FNTB: variants seen among roughly 807,000 people sequenced by gnomAD.
FNTB encodes protein farnesyltransferase subunit beta.
In FNTB, 27 loss-of-function variants were observed where a neutral mutation model predicts 59.4. The observed-to-expected ratio is 0.45, with a 90% CI of 0.34 to 0.63. FNTB has a LOEUF of 0.63. FNTB is among the 20% of genes least tolerant of loss of function. The pLI is 0.02. For synonymous variants in FNTB, 230 were observed against 220.7 expected, an observed-to-expected ratio of 1.04 and a Z score of -0.37; for missense variants, 449 against 559.6, an observed-to-expected ratio of 0.80 and a Z score of 1.99.
chr14:65,026,092 C>A (rs2061975346), intron 4 of FNTB, among the ~76,000 whole-genome samples: 1 of 152,148 alleles, frequency 6.6e-6, no homozygotes, highest in Non-Finnish European at 1.5e-5. Flanking sequence ...TTTCTGGCAG[C>A]AGTAGCAAGG....
rs1230628682 is a variant in FNTB at position 65,012,377 on chromosome 14, A to G, written c.270A>G (p.Thr90=). The change falls in exon 3 of 12, where the codon ACA becomes ACG. Residue 90 remains threonine (T), a synonymous_variant. Transcript: ENST00000246166. This position sits in a 1 kb window ranked among gnomAD's most constrained non-coding sequence, Gnocchi z 5.0. ...HYLKRGLRQL[T]DAYECLDASR... ...TGAAAAGAGGCCTTCGACAACTGAC[A>G]GATGCCTATGAGGTAAACACATTAC... 6.2e-7 allele frequency: 1 copy of G among 1,614,194 alleles called. No homozygotes were observed. The highest frequency in any genetic ancestry group is 8.5e-7 in the Non-Finnish European group (1 of 1,179,986).
At chr14:64,996,145 A>G (rs199673181) in intron 1 of FNTB, among the ~76,000 whole-genome samples, 2 of 150,668 alleles carry the variant, frequency 1.3e-5, no homozygotes, top group Non-Finnish European at 3.0e-5. Context: ...AAAAAAGAAA[A>G]AAGAAAAGAA....
At position 65,044,978 on chromosome 14, in the gene FNTB, A is replaced by C. The variant is rs2062443562; in HGVS notation, c.955+535A>C. ...TGGCTGCAGAGTTGTCACTATTAGA[A>C]ATGTTTTATTTTACATTCATTGAAT... On this transcript the variant is annotated intron_variant, in intron 9 of 11. Transcript: ENST00000246166. The surrounding 1 kb of genome is among the most constrained non-coding windows in gnomAD (Gnocchi z 5.5). Among the ~76,000 whole-genome samples, 1 of 152,104 alleles carries C rather than the reference A, an allele frequency of 6.6e-6. No individual in the cohort carries two copies. The highest frequency in any genetic ancestry group is 2.4e-5 in the African/African-American group (1 of 41,424).
At position 64,995,241 on chromosome 14, in the gene FNTB, C is replaced by T. The variant is rs551211660; in HGVS notation, c.144+8144C>T. ...GCTGTCATCTCCTAGGATAACAGTGCGTTCTTCAGGAATTCCTCCTGAAGG... is the reference window on the plus strand; with the variant it reads ...GCTGTCATCTCCTAGGATAACAGTGTGTTCTTCAGGAATTCCTCCTGAAGG... On this transcript the variant is annotated intron_variant, in intron 1 of 11. Transcript: ENST00000246166. 8.5e-5 allele frequency among the ~76,000 whole-genome samples: 13 copies of T among 152,140 alleles called. No individual in the cohort carries two copies. The South Asian group carries it at 1.9e-3, about 22-fold the overall frequency.
chr14:65,049,410 G>A (rs958051334), intron 9 of FNTB, among the ~76,000 whole-genome samples: 5 of 152,066 alleles, frequency 3.3e-5, no homozygotes, highest in African/African-American at 1.2e-4. Context: ...GATTAGAATG[G>A]CGACCTATAA....
chr14:65,052,976 G>C (rs1361881400), intron 9 of FNTB, among the ~76,000 whole-genome samples: 2 of 152,192 alleles, frequency 1.3e-5, no homozygotes, highest in African/African-American at 2.4e-5. Flanking sequence ...TGTGGTTGAG[G>C]ATCACCATCC....
chr14:65,055,049 C>T (rs1489905990), intron 11 of FNTB, among the ~76,000 whole-genome samples: 1 of 152,256 alleles, frequency 6.6e-6, no homozygotes, highest in Non-Finnish European at 1.5e-5. Context: ...AGCCATGCGG[C>T]ACTGGCTGTA....
At chr14:65,000,815 CAAAAAAAAAAAAA>C (rs59420832) in intron 1 of FNTB, among the ~76,000 whole-genome samples, 7 of 36,458 alleles carry the variant, frequency 1.9e-4, no homozygotes, top group Non-Finnish European at 4.2e-4. Flanking sequence ...GACTCCGTCT[CAAAAAAAAAAAAA>C]AAAAAAAAAA....
rs1403662375 is a variant in FNTB at position 64,996,141 on chromosome 14, GAAAA to G, written c.145-8105_145-8102del. ...TCTGTCTCAAAAAAAAAAAAAAAAA[GAAAA>G]AAGAAAAGAAACAACCAAGCCTGGG... On this transcript the variant is annotated intron_variant, in intron 1 of 11. Transcript: ENST00000246166. Among the ~76,000 whole-genome samples, 313 of 140,642 alleles carry G rather than the reference GAAAA, an allele frequency of 2.2e-3. 7 individuals carry two copies. In the South Asian group the frequency reaches 0.024, roughly 11 times the overall value. 92.3% of individuals were successfully genotyped at this position (140,642 alleles called of 152,430 possible).
rs1486510598 is a variant in FNTB, at chr14:65,031,890, T to C, written c.606-720T>C. 2.6e-5 allele frequency among the ~76,000 whole-genome samples: 4 copies of C among 152,024 alleles called. No individual in the cohort carries two copies. Among genetic ancestry groups the C allele is most frequent in the African/African-American group, 9.7e-5 (4 of 41,420 alleles). On this transcript the variant is annotated intron_variant, in intron 6 of 11. Transcript: ENST00000246166. The surrounding 1 kb of genome is among the most constrained non-coding windows in gnomAD (Gnocchi z 4.6). ...GAGCTGAGATCATACCACTGCACTCTAGCCTGGGCGACAGAGTGAGACCCT... is the reference window on the plus strand; with the variant it reads ...GAGCTGAGATCATACCACTGCACTCCAGCCTGGGCGACAGAGTGAGACCCT...
chr14:65,044,784 C>T lies in FNTB; in HGVS notation c.955+341C>T, dbSNP rs906037679. 3 of 268,364 alleles carry T rather than the reference C, an allele frequency of 1.1e-5. No individual in the cohort carries two copies. The highest frequency in any genetic ancestry group is 2.2e-4 in the East Asian group (2 of 8,946). The allele number at this position is 268,364 out of a possible 1,614,324, so 16.6% of individuals were successfully genotyped here. Reference sequence around the variant, plus strand: ...GGCTCTGTGGTGATTGCCACCTCCTCTGGGTGCAGGGCAGAGCTGAAAACC... The same window carrying T: ...GGCTCTGTGGTGATTGCCACCTCCTTTGGGTGCAGGGCAGAGCTGAAAACC... On this transcript the variant is annotated intron_variant, in intron 9 of 11. Transcript: ENST00000246166. The surrounding 1 kb of genome is among the most constrained non-coding windows in gnomAD (Gnocchi z 5.5).
chr14:65,028,142 C>T lies in FNTB; in HGVS notation c.605+361C>T, dbSNP rs1201961128. On this transcript the variant is annotated intron_variant, in intron 6 of 11. Coordinates refer to ENST00000246166, the MANE Select transcript of FNTB (RefSeq NM_002028.4). This position sits in a 1 kb window ranked among gnomAD's most constrained non-coding sequence, Gnocchi z 4.4. ...AAGGGAGGGGAAAGTCCAGCAGGGCCTCAGTAAATACCTTCTGAGTGAATT... is the reference window on the plus strand; with the variant it reads ...AAGGGAGGGGAAAGTCCAGCAGGGCTTCAGTAAATACCTTCTGAGTGAATT... 6.6e-6 allele frequency among the ~76,000 whole-genome samples: 1 copy of T among 152,150 alleles called. No individual in the cohort carries two copies. The highest frequency in any genetic ancestry group is 1.5e-5 in the Non-Finnish European group (1 of 68,028).
In FNTB at chr14:64,990,472, C is replaced by A. The variant is rs76963500; in HGVS notation, c.144+3375C>A. Among the ~76,000 whole-genome samples the A allele has an allele frequency of 6.6e-6, 1 of 152,286 alleles. No individual in the cohort carries two copies. Among genetic ancestry groups the A allele is most frequent in the African/African-American group, 2.4e-5 (1 of 41,538 alleles). On this transcript the variant is annotated intron_variant, in intron 1 of 11. Transcript: ENST00000246166. This position sits in a 1 kb window ranked among gnomAD's most constrained non-coding sequence, Gnocchi z 5.2. ...CATTTCCTGTCATGTGCCTTCTCTG[C>A]GGAGCTCTTTGTCTCCCTCCCTCTC...
rs1278156668 is a variant in FNTB, at chr14:64,991,501, C to A, written c.144+4404C>A. Among the ~76,000 whole-genome samples, 1 of 151,988 alleles carries A rather than the reference C, an allele frequency of 6.6e-6. No homozygotes were observed. The highest frequency in any genetic ancestry group is 2.4e-5 in the African/African-American group (1 of 41,384). On this transcript the variant is annotated intron_variant, in intron 1 of 11. Coordinates refer to ENST00000246166, the MANE Select transcript of FNTB (RefSeq NM_002028.4). This position sits in a 1 kb window ranked among gnomAD's most constrained non-coding sequence, Gnocchi z 4.4. ...CACCTGTAATACCAGCTACTCAGGA[C>A]ACTGAGGCAGGTGAATCTCTTTAAC...
intron 11 of FNTB, 132 bp from the exon 12 acceptor site, chr14:65,061,049 A>T (rs2062856039): frequency 1.4e-6 from 2 of 1,435,242 alleles, no homozygotes; most frequent in East Asian, 4.6e-5. Context: ...CCATTTTTGA[A>T]CCTTTGGGCT....
At chr14:65,058,086 T>G (rs1444818713) in intron 11 of FNTB, among the ~76,000 whole-genome samples, 1 of 151,502 alleles carries the variant, frequency 6.6e-6, no homozygotes, top group Non-Finnish European at 1.5e-5. Context: ...TGCACTACAT[T>G]TTAGATTAAT....
chr14:64,996,123 CA>C (rs60137057), intron 1 of FNTB, among the ~76,000 whole-genome samples: 286 of 82,518 alleles, frequency 3.5e-3, no homozygotes, highest in African/African-American at 6.7e-3. Flanking sequence ...AACTCTGTCT[CA>C]AAAAAAAAAA....
rs1419523450 is a variant in FNTB, at chr14:65,031,663, G to A, written c.606-947G>A. Among the ~76,000 whole-genome samples, 3 of 151,804 alleles carry A rather than the reference G, an allele frequency of 2.0e-5. No individual in the cohort carries two copies. Among genetic ancestry groups the A allele is most frequent in the African/African-American group, 7.3e-5 (3 of 41,378 alleles). On this transcript the variant is annotated intron_variant, in intron 6 of 11. Transcript: ENST00000246166. This position sits in a 1 kb window ranked among gnomAD's most constrained non-coding sequence, Gnocchi z 4.6. ...AGCCCGGGCGCGGTGGCTTATGCCT[G>A]TAATCCCAGCACTTTGGGAGGCCAA...
In FNTB at chr14:65,053,347, C is replaced by G; in HGVS notation, c.1065C>G (p.Gly355=). 7.0e-7 allele frequency: 1 copy of G among 1,424,490 alleles called. No homozygotes were observed. The highest frequency in any genetic ancestry group is 1.5e-5 in the African/African-American group (1 of 68,218). The allele number at this position is 1,424,490 out of a possible 1,614,324, so 88.2% of individuals were successfully genotyped here. The change falls in exon 10 of 12, where the codon GGC becomes GGG. Residue 355 remains glycine (G), a splice_region_variant and synonymous_variant. Transcript: ENST00000246166. Reference sequence around the variant, plus strand: ...CGGGGGGGCTTCTGGATAAACCTGGCAAGTGAGTGTTTTCTCTCTGGGGAG... The same window carrying G: ...CGGGGGGGCTTCTGGATAAACCTGGGAAGTGAGTGTTTTCTCTCTGGGGAG... ...CPAGGLLDKP[G]KSRDFYHTCY... is the part of the protein sequence containing the mutation.
Sources: allele counts gnomAD v4.1 joint callset (sites outside exome capture counted in the v4.1 genomes callset), GRCh38; gene constraint gnomAD v4.1.1; non-coding constraint Gnocchi (gnomAD v3.1); transcripts MANE v1.5; gene names NCBI Gene and HGNC (gene_info 2026-07-23, HGNC 2026-07-21).